The following PLGLB1 variants were observed in gnomAD, a reference collection of about 807,000 sequenced individuals.
PLGLB1 encodes the protein plasminogen like B1.
intron 3 of PLGLB1, chr2:87,013,567 G>A (rs1157786215): frequency 2.4e-5 from 2 of 82,034 alleles, no homozygotes; most frequent in Non-Finnish European, 4.7e-5. Flanking sequence ...AGGCTTTTCC[G>A]AGGCTGAAAG....
chr2:87,019,141 T>C (rs1179489170), intron 1 of PLGLB1, among the ~76,000 whole-genome samples: 5 of 92,044 alleles, frequency 5.4e-5, no homozygotes, highest in South Asian at 3.4e-4. Context: ...TTCTGAAAGA[T>C]GACACACTGC....
chr2:87,017,201 C>T (rs867393073), intron 2 of PLGLB1, among the ~76,000 whole-genome samples: 2 of 139,460 alleles, frequency 1.4e-5, no homozygotes, highest in Admixed American at 7.0e-5. Context: ...GGCACTGGAT[C>T]TTGTAGCTAT....
chr2:87,018,354 C>T lies in PLGLB1; in HGVS notation c.50-666G>A, dbSNP rs1168220597. The T allele has an allele frequency of 4.8e-5, 3 of 62,352 alleles. 1 individual carries two copies. Among genetic ancestry groups the T allele is most frequent in the Non-Finnish European group, 8.7e-5 (3 of 34,566 alleles). 3.9% of individuals were successfully genotyped at this position (62,352 alleles called of 1,614,324 possible). A position where few individuals can be genotyped will look rare whatever the true frequency, so the allele number is the denominator to read the frequency against. On this transcript the variant is annotated intron_variant, in intron 1 of 3. Transcript: ENST00000355705. ...TTGGAGGCCATTGTTTGATTTCCTACAATATGCGCTTTGGTTCTGACACTG... is the reference window on the plus strand; with the variant it reads ...TTGGAGGCCATTGTTTGATTTCCTATAATATGCGCTTTGGTTCTGACACTG...
chr2:87,017,063 C>T (rs1682349224), intron 2 of PLGLB1, among the ~76,000 whole-genome samples: 1 of 143,142 alleles, frequency 7.0e-6, no homozygotes, highest in South Asian at 2.3e-4. Flanking sequence ...TCTCTAGCTG[C>T]CTCAACCTTA....
chr2:87,017,076 C>G (rs1682349486), intron 2 of PLGLB1, among the ~76,000 whole-genome samples: 1 of 144,416 alleles, frequency 6.9e-6, no homozygotes. Context: ...CAACCTTAGG[C>G]ACTGTTCTTT....
rs1274554896 is a variant in PLGLB1, at chr2:87,016,680, ATCT to A, written c.186-275_186-273del. ...CAACTGTTTTACTTCTTCTTCACTC[ATCT>A]TCTTAATTTTTGTTTTTGGGTCAGA... On this transcript the variant is annotated intron_variant, in intron 2 of 3. Coordinates refer to ENST00000355705, the MANE Select transcript of PLGLB1 (RefSeq NM_001032392.4). 8.7e-5 allele frequency among the ~76,000 whole-genome samples: 8 copies of A among 91,744 alleles called. No individual in the cohort carries two copies. In the East Asian group the frequency reaches 1.6e-3, roughly 18 times the overall value. The allele number at this position is 91,744 out of a possible 152,430, so 60.2% of individuals were successfully genotyped here. A position where few individuals can be genotyped will look rare whatever the true frequency, so the allele number is the denominator to read the frequency against.
intron 1 of PLGLB1, among the ~76,000 whole-genome samples, chr2:87,019,486 T>C (rs201581110): frequency 0.014 from 1,816 of 126,766 alleles, 74 homozygotes; most frequent in East Asian, 0.13. Context: ...CCCATATCCA[T>C]GTCTTTACCC....
Position 87,010,990 on chromosome 2 carries a change from TTAA to T in PLGLB1, c.*2128_*2130del, listed in dbSNP as rs1371762373. ...GAGAGGTGAACACGTTACGCAATTA[TTAA>T]TAATATCCCTGTGGGAAGGGGCTTT... On this transcript the variant is annotated 3_prime_UTR_variant, in exon 4 of 4. Transcript: ENST00000355705. The T allele has an allele frequency of 2.1e-5, 4 of 192,924 alleles. 1 individual carries two copies. In the East Asian group the frequency reaches 5.2e-4, roughly 25 times the overall value. 12.0% of individuals were successfully genotyped at this position (192,924 alleles called of 1,614,324 possible). A position where few individuals can be genotyped will look rare whatever the true frequency, so the allele number is the denominator to read the frequency against.
At position 87,015,169 on chromosome 2, in the gene PLGLB1, CAG is replaced by C. The variant is rs1032374653; in HGVS notation, c.*1+1131_*1+1132del. ...ATTTTGTAGAGAGAATCAGGAGAAT[CAG>C]GGTTTTTTGTTTTTGTTTTTAAATC... On this transcript the variant is annotated intron_variant, in intron 3 of 3. Coordinates refer to ENST00000355705, the MANE Select transcript of PLGLB1 (RefSeq NM_001032392.4). Among the ~76,000 whole-genome samples, 10 of 95,290 alleles carry C rather than the reference CAG, an allele frequency of 1.0e-4. 3 individuals are homozygous for C. The highest frequency in any genetic ancestry group is 1.5e-4 in the Non-Finnish European group (8 of 51,972). 62.5% of individuals were successfully genotyped at this position (95,290 alleles called of 152,430 possible).
intron 1 of PLGLB1, among the ~76,000 whole-genome samples, chr2:87,021,136 C>G (rs958289787): frequency 9.2e-6 from 1 of 109,008 alleles, no homozygotes; most frequent in African/African-American, 3.7e-5. Flanking sequence ...CGACCTAACC[C>G]AAGCACTAAG....
At position 87,016,665 on chromosome 2, in the gene PLGLB1, ACTT is replaced by A. The variant is rs1203714903; in HGVS notation, c.186-260_186-258del. Among the ~76,000 whole-genome samples, 32 of 67,540 alleles carry A rather than the reference ACTT, an allele frequency of 4.7e-4. 1 individual carries two copies. The highest frequency in any genetic ancestry group is 1.0e-3 in the African/African-American group (9 of 8,822). The allele number at this position is 67,540 out of a possible 152,430, so 44.3% of individuals were successfully genotyped here. A position where few individuals can be genotyped will look rare whatever the true frequency, so the allele number is the denominator to read the frequency against. On this transcript the variant is annotated intron_variant, in intron 2 of 3. Coordinates refer to ENST00000355705, the MANE Select transcript of PLGLB1 (RefSeq NM_001032392.4). ...TCTTTCTTTCTGTTTCAACTGTTTT[ACTT>A]CTTCTTCACTCATCTTCTTAATTTT... is the stretch of plus-strand genomic sequence containing the variant.
At position 87,019,825 on chromosome 2, in the gene PLGLB1, TA is replaced by T; in HGVS notation, c.49+1909del. On this transcript the variant is annotated intron_variant, in intron 1 of 3. Coordinates refer to ENST00000355705, the MANE Select transcript of PLGLB1 (RefSeq NM_001032392.4). ...AAACAGAATCAAACTGTTTTCTTTT[TA>T]ATTTGAAATAATTTTCCCCCATTTT... Among the ~76,000 whole-genome samples, 4 of 98,482 alleles carry T rather than the reference TA, an allele frequency of 4.1e-5. 2 individuals carry two copies. The East Asian group carries it at 1.4e-3, about 36-fold the overall frequency. The allele number at this position is 98,482 out of a possible 152,430, so 64.6% of individuals were successfully genotyped here.
rs1437601069 is a variant in PLGLB1 at position 87,010,821 on chromosome 2, C to T, written c.*2300G>A. Among the ~76,000 whole-genome samples the T allele has an allele frequency of 1.9e-4, 10 of 53,224 alleles. 1 individual carries two copies. Among genetic ancestry groups the T allele is most frequent in the South Asian group, 1.4e-3 (2 of 1,380 alleles). 34.9% of individuals were successfully genotyped at this position (53,224 alleles called of 152,430 possible). A position where few individuals can be genotyped will look rare whatever the true frequency, so the allele number is the denominator to read the frequency against. ...ACTTGGGAGGCTGAGGTAGGAGAAT[C>T]GCTTGAACCCGGAGGCGGAGGTTGT... On this transcript the variant is annotated 3_prime_UTR_variant, in exon 4 of 4. Transcript: ENST00000355705.
intron 3 of PLGLB1, chr2:87,013,594 T>C (rs1682277110): frequency 1.9e-5 from 1 of 54,022 alleles, no homozygotes; most frequent in Non-Finnish European, 3.4e-5. Flanking sequence ...AACCCACTTC[T>C]ATTTCTTCAG....
intron 2 of PLGLB1, among the ~76,000 whole-genome samples, chr2:87,017,210 A>G (rs1274060977): frequency 7.3e-6 from 1 of 137,588 alleles, no homozygotes; most frequent in South Asian, 2.4e-4. Flanking sequence ...TCTTGTAGCT[A>G]TAAGTCATTG....
chr2:87,020,807 A>C (rs1178783319), intron 1 of PLGLB1, among the ~76,000 whole-genome samples: 2 of 146,940 alleles, frequency 1.4e-5, no homozygotes, highest in Admixed American at 6.6e-5. Flanking sequence ...TTTTTTTTAA[A>C]AAAAGAAAAA....
chr2:87,013,459 T>C, intron 3 of PLGLB1: 1 of 158,456 alleles, frequency 6.3e-6, no homozygotes, highest in Non-Finnish European at 1.2e-5. Context: ...AAGTAAACAA[T>C]ATAAAATGAG....
intron 2 of PLGLB1, among the ~76,000 whole-genome samples, chr2:87,017,332 T>G (rs532283770): frequency 5.5e-5 from 4 of 73,060 alleles, no homozygotes; most frequent in African/African-American, 1.8e-4. Context: ...ATGTCCGGTG[T>G]AAAAACAAAT....
Position 87,010,856 on chromosome 2 carries a change from A to G in PLGLB1, c.*2265T>C, listed in dbSNP as rs1682191504. 4.0e-5 allele frequency among the ~76,000 whole-genome samples: 3 copies of G among 74,410 alleles called. No individual in the cohort carries two copies. Among genetic ancestry groups the G allele is most frequent in the Admixed American group, 3.5e-4 (3 of 8,670 alleles). The allele number at this position is 74,410 out of a possible 152,430, so 48.8% of individuals were successfully genotyped here. A position where few individuals can be genotyped will look rare whatever the true frequency, so the allele number is the denominator to read the frequency against. ...CGGAGGCGGAGGTTGTGGTGAGCTG[A>G]GATCGCACCATTGCACTCTAGCCTG... is the stretch of plus-strand genomic sequence containing the variant. On this transcript the variant is annotated 3_prime_UTR_variant, in exon 4 of 4. Coordinates refer to ENST00000355705, the MANE Select transcript of PLGLB1 (RefSeq NM_001032392.4).
Sources: gnomAD v4.1 joint callset for allele counts (sites outside exome capture counted in the v4.1 genomes callset) on GRCh38, gnomAD v4.1.1 for gene constraint, MANE v1.5 for transcripts, NCBI Gene and HGNC (gene_info 2026-07-23, HGNC 2026-07-21) for gene names.